The following RAD54B variants were observed in gnomAD, a reference collection of about 807,000 sequenced individuals.
RAD54B encodes DNA repair and recombination protein RAD54B.
A neutral mutation model predicts 95.8 loss-of-function variants in RAD54B; 78 were observed. That is an observed-to-expected ratio of 0.81 (90% CI 0.68 to 0.98). The LOEUF (loss-of-function observed/expected upper bound fraction) is 0.98, where lower values mean the gene tolerates loss of function less well. Ranked by LOEUF, RAD54B falls within the 50% of genes least tolerant of loss-of-function variation. The probability of loss-of-function intolerance (pLI) is 0.00; values close to 1 mark genes in which losing one functional copy is unlikely to be tolerated. For missense variants in RAD54B, 957 were observed against 1,056.6 expected, an observed-to-expected ratio of 0.91 and a Z score of 1.31; for synonymous variants, 328 against 354.9, an observed-to-expected ratio of 0.92 and a Z score of 0.85.
rs755545442 is a variant in RAD54B at position 94,387,004 on chromosome 8, G to C, written c.1965C>G (p.His655Gln). Residue 655 changes from histidine to glutamine, a missense_variant, in exon 11 of 15, where the codon CAC (histidine) becomes CAG (glutamine). His to Gln is a conservative substitution (Grantham distance 24, BLOSUM62 0). Transcript: ENST00000336148. ...CTTACTTTTCAGTAGGTCGAAGTTCGTGGATAACCGCTAAGAGCTTGGACA... is the reference window on the plus strand; with the variant it reads ...CTTACTTTTCAGTAGGTCGAAGTTCCTGGATAACCGCTAAGAGCTTGGACA... ...QVLSKLLAVIHELRPTEKVVL... is the reference protein window; with the variant it reads ...QVLSKLLAVIQELRPTEKVVL... The C allele has an allele frequency of 2.3e-5, 36 of 1,599,428 alleles. No individual in the cohort carries two copies. The highest frequency in any genetic ancestry group is 1.7e-4 in the Middle Eastern group (1 of 6,004).
intron 3 of RAD54B, among the ~76,000 whole-genome samples, chr8:94,414,601 T>C (rs1386906939): frequency 1.3e-5 from 2 of 152,212 alleles, no homozygotes; most frequent in African/African-American, 2.4e-5. Context: ...GTTTTTGTCT[T>C]TGGTTCTGTT....
chr8:94,390,138 G>C (rs1024645778), intron 10 of RAD54B, among the ~76,000 whole-genome samples: 2 of 151,980 alleles, frequency 1.3e-5, no homozygotes, highest in South Asian at 4.2e-4. Flanking sequence ...TCAGGAGTTC[G>C]AGACCAGCCT....
chr8:94,435,329 C>G (rs1812226449), intron 3 of RAD54B, among the ~76,000 whole-genome samples: 1 of 151,996 alleles, frequency 6.6e-6, no homozygotes, highest in Admixed American at 6.6e-5. Context: ...TAAGCAGTAT[C>G]TGGTAAGAAG....
chr8:94,407,750 G>T (rs374073456), intron 4 of RAD54B, 30 bp from the exon 5 acceptor site: 21 of 1,579,922 alleles, frequency 1.3e-5, no homozygotes, highest in South Asian at 2.3e-5. Context: ...AAAATTAATT[G>T]ACACTCTATG....
At chr8:94,397,353 G>A (rs1563641398) in intron 8 of RAD54B, among the ~76,000 whole-genome samples, 1 of 152,088 alleles carries the variant, frequency 6.6e-6, no homozygotes, top group Non-Finnish European at 1.5e-5. Flanking sequence ...AACCAACTAT[G>A]AGTATTTCTA....
chr8:94,387,076 G>A lies in RAD54B; in HGVS notation c.1893C>T (p.Tyr631=). ...KGLLSVFPAD[Y]NPLLFTEKES... is the part of the protein sequence containing the mutation. ...CCTTTTCAGTAAACAGGAGAGGGTT[G>A]TAGTCAGCAGGAAACACACTTAGCA... is the stretch of plus-strand genomic sequence containing the variant. The change falls in exon 11 of 15, where the codon TAC becomes TAT. Residue 631 remains tyrosine, a synonymous_variant. Transcript: ENST00000336148. The A allele has an allele frequency of 6.2e-7, 1 of 1,613,458 alleles. No homozygotes were observed. Among genetic ancestry groups the A allele is most frequent in the Non-Finnish European group, 8.5e-7 (1 of 1,179,512 alleles).
chr8:94,422,495 G>A (rs1790261155), intron 3 of RAD54B, among the ~76,000 whole-genome samples: 2 of 144,346 alleles, frequency 1.4e-5, no homozygotes, highest in Non-Finnish European at 1.5e-5. Context: ...GCTGAGACAG[G>A]AGAATCGCTT....
chr8:94,398,974 C>A (rs1268710970), intron 8 of RAD54B, among the ~76,000 whole-genome samples: 4 of 152,068 alleles, frequency 2.6e-5, no homozygotes, highest in African/African-American at 9.7e-5. Context: ...TAAACACTTA[C>A]CACGTGTCAG....
chr8:94,381,933 G>A (rs529501193), intron 11 of RAD54B, among the ~76,000 whole-genome samples: 2 of 152,172 alleles, frequency 1.3e-5, no homozygotes, highest in Admixed American at 6.5e-5. Context: ...CTAACACGGT[G>A]AAACCCCGTC....
intron 3 of RAD54B, among the ~76,000 whole-genome samples, chr8:94,412,878 A>C (rs1811559898): frequency 6.6e-6 from 1 of 152,204 alleles, no homozygotes; most frequent in Non-Finnish European, 1.5e-5. Context: ...ACAAGATGCA[A>C]GGTTCATATG....
intron 5 of RAD54B, among the ~76,000 whole-genome samples, chr8:94,406,474 A>G (rs937569416): frequency 1.3e-5 from 2 of 152,220 alleles, no homozygotes; most frequent in African/African-American, 2.4e-5. Context: ...CTGTATTTCA[A>G]CTAAGTCTTT....
intron 3 of RAD54B, among the ~76,000 whole-genome samples, chr8:94,454,189 T>C (rs1487888179): frequency 1.3e-5 from 2 of 150,458 alleles, no homozygotes; most frequent in Non-Finnish European, 3.0e-5. Context: ...ACATATTGCA[T>C]GATTCTCATT....
chr8:94,436,914 C>A (rs1295254070), intron 3 of RAD54B: 2 of 1,478,612 alleles, frequency 1.4e-6, no homozygotes, highest in South Asian at 2.9e-5. Context: ...CACCATGCAG[C>A]CTTCAGCTCT....
intron 14 of RAD54B, among the ~76,000 whole-genome samples, chr8:94,374,071 T>A (rs1009194701): frequency 1.4e-4 from 21 of 151,986 alleles, no homozygotes; most frequent in East Asian, 3.9e-4. Context: ...CGAGGTCAGG[T>A]GATCGAGACC....
chr8:94,462,609 C>T (rs1301452015), intron 2 of RAD54B, among the ~76,000 whole-genome samples: 4 of 152,122 alleles, frequency 2.6e-5, no homozygotes, highest in Non-Finnish European at 5.9e-5. Context: ...AATACTTTCT[C>T]ACTATAGGTT....
intron 1 of RAD54B, among the ~76,000 whole-genome samples, chr8:94,472,722 T>C (rs752036025): frequency 1.3e-4 from 20 of 152,134 alleles, no homozygotes; most frequent in Non-Finnish European, 2.4e-4. Context: ...CAGGGATGCT[T>C]AACTTTGGGG....
intron 12 of RAD54B, among the ~76,000 whole-genome samples, chr8:94,378,943 C>T (rs1422330358): frequency 6.6e-6 from 1 of 152,128 alleles, no homozygotes; most frequent in Non-Finnish European, 1.5e-5. Flanking sequence ...CCAAGTGTAG[C>T]ATGGGCTTGG....
At chr8:94,458,548 T>A in intron 2 of RAD54B, 112 bp from the exon 3 acceptor site, 1 of 759,116 alleles carries the variant, frequency 1.3e-6, no homozygotes, top group Non-Finnish European at 2.0e-6. Flanking sequence ...GTTATATATA[T>A]AAACTAGAAC....
intron 3 of RAD54B, among the ~76,000 whole-genome samples, chr8:94,414,448 A>G (rs2130048864): frequency 6.6e-6 from 1 of 152,218 alleles, no homozygotes; most frequent in South Asian, 2.1e-4. Context: ...ATTCAGTGTG[A>G]TATTGGCTGT....
Sources: allele counts gnomAD v4.1 joint callset (sites outside exome capture counted in the v4.1 genomes callset), GRCh38; gene constraint gnomAD v4.1.1; transcripts MANE v1.5; gene names NCBI Gene and HGNC (gene_info 2026-07-23, HGNC 2026-07-21).